RIMS2: variants seen among roughly 807,000 people sequenced by gnomAD.
The protein encoded by RIMS2 is regulating synaptic membrane exocytosis protein 2.
In RIMS2, 59 loss-of-function variants were observed where a neutral mutation model predicts 174.4. That is an observed-to-expected ratio of 0.34 (90% CI 0.27 to 0.42). The LOEUF is 0.42. Among genes scored for constraint, RIMS2 ranks in the 10% least tolerant of loss-of-function variants. RIMS2 has a pLI of 1.00. For missense variants in RIMS2, 1,620 were observed against 1,666.3 expected, an observed-to-expected ratio of 0.97 and a Z score of 0.48; for synonymous variants, 606 against 572.5, an observed-to-expected ratio of 1.06 and a Z score of -0.84.
intron 20 of RIMS2, among the ~76,000 whole-genome samples, chr8:104,246,624 T>C (rs1253523303): frequency 6.6e-6 from 1 of 152,148 alleles, no homozygotes. Context: ...GGAAGAGAGA[T>C]GATCAAGACG....
chr8:104,136,479 C>T (rs2098520896), intron 19 of RIMS2, among the ~76,000 whole-genome samples: 1 of 152,114 alleles, frequency 6.6e-6, no homozygotes, highest in Non-Finnish European at 1.5e-5. Flanking sequence ...GTATAACTTT[C>T]AATTTAGTGC....
At chr8:104,096,950 T>G (rs2097773642) in intron 19 of RIMS2, among the ~76,000 whole-genome samples, 1 of 152,202 alleles carries the variant, frequency 6.6e-6, no homozygotes. Flanking sequence ...CTTTTGAATT[T>G]GCTTTTACTT....
At chr8:103,522,715 A>G (rs1832300764) in intron 1 of RIMS2, among the ~76,000 whole-genome samples, 1 of 152,148 alleles carries the variant, frequency 6.6e-6, no homozygotes, top group Admixed American at 6.6e-5. Flanking sequence ...ATTTTTCCAA[A>G]TGGGAAATTA....
intron 20 of RIMS2, among the ~76,000 whole-genome samples, chr8:104,247,379 G>A (rs1326863465): frequency 1.3e-5 from 2 of 152,100 alleles, no homozygotes; most frequent in South Asian, 4.1e-4. Flanking sequence ...TCTTCTCACA[G>A]CATTTTCTCT....
chr8:103,718,308 A>G (rs1350766729), intron 2 of RIMS2, among the ~76,000 whole-genome samples: 1 of 152,214 alleles, frequency 6.6e-6, no homozygotes, highest in East Asian at 1.9e-4. Flanking sequence ...GCTGTGTGCT[A>G]TGGACAGTTG....
chr8:103,915,346 G>A, intron 6 of RIMS2, 149 bp from the exon 10 acceptor site: 3 of 467,688 alleles, frequency 6.4e-6, no homozygotes, highest in Non-Finnish European at 1.2e-5. Context: ...TAACCTAATA[G>A]AGACAATAAA....
intron 14 of RIMS2, among the ~76,000 whole-genome samples, chr8:103,955,170 T>A (rs2086743911): frequency 6.6e-6 from 1 of 151,900 alleles, no homozygotes; most frequent in Admixed American, 6.6e-5. Flanking sequence ...CTACCAGAGG[T>A]ACAAAGAGGA....
intron 1 of RIMS2, among the ~76,000 whole-genome samples, chr8:103,638,782 G>C (rs2135461474): frequency 6.6e-6 from 1 of 152,080 alleles, no homozygotes; most frequent in East Asian, 1.9e-4. Flanking sequence ...TGTACCAGAT[G>C]GGCTCACTGC....
At chr8:104,093,546 A>T (rs758658343) in intron 19 of RIMS2, 3 of 1,597,082 alleles carry the variant, frequency 1.9e-6, no homozygotes, top group Middle Eastern at 1.6e-4. Flanking sequence ...TGTAAGTGAT[A>T]TATCTGCGGT....
At chr8:103,641,240 T>C (rs1293128944) in intron 1 of RIMS2, among the ~76,000 whole-genome samples, 2 of 152,166 alleles carry the variant, frequency 1.3e-5, no homozygotes, top group African/African-American at 4.8e-5. Context: ...ATTTATTCAA[T>C]TTCTTATTGA....
At chr8:104,203,267 A>G (rs1471119100) in intron 19 of RIMS2, among the ~76,000 whole-genome samples, 6 of 152,138 alleles carry the variant, frequency 3.9e-5, no homozygotes, top group Non-Finnish European at 8.8e-5. Context: ...TGTGCAGAAA[A>G]GAATTAAATT....
chr8:103,572,219 G>A (rs932868176), intron 1 of RIMS2, among the ~76,000 whole-genome samples: 1 of 152,198 alleles, frequency 6.6e-6, no homozygotes, highest in African/African-American at 2.4e-5. Flanking sequence ...CGGACCCAGA[G>A]TGAGCAGCAG....
chr8:104,036,552 C>G (rs1313944009), intron 19 of RIMS2, among the ~76,000 whole-genome samples: 1 of 152,018 alleles, frequency 6.6e-6, no homozygotes, highest in African/African-American at 2.4e-5. Flanking sequence ...CAGGGAAAAA[C>G]AGCACAGCTC....
chr8:103,935,698 C>G (rs2081080897), intron 12 of RIMS2, among the ~76,000 whole-genome samples: 1 of 152,116 alleles, frequency 6.6e-6, no homozygotes, highest in Admixed American at 6.5e-5. Context: ...GTCTAATAAG[C>G]AAGAGTAATG....
At position 103,722,488 on chromosome 8, in the gene RIMS2, G is replaced by A. The variant is rs541023710; in HGVS notation, c.387+25192G>A. ...ATCAGGCGTTAGATTCTTATAAGCA[G>A]CACGCAACCTAGATCCCTCCCATGT... On this transcript the variant is annotated intron_variant, in intron 2 of 23. Transcript: ENST00000504942. Among the ~76,000 whole-genome samples the A allele has an allele frequency of 2.1e-3, 320 of 152,172 alleles. 1 individual carries two copies. The highest frequency in any genetic ancestry group is 3.5e-3 in the Non-Finnish European group (238 of 68,006).
chr8:104,142,305 T>A (rs1453078077), intron 19 of RIMS2, among the ~76,000 whole-genome samples: 1 of 151,814 alleles, frequency 6.6e-6, no homozygotes, highest in Non-Finnish European at 1.5e-5. Context: ...TTTTTGTTAG[T>A]TTTAGTAGAG....
chr8:103,797,811 T>A (rs760703215), intron 3 of RIMS2, among the ~76,000 whole-genome samples: 16 of 152,224 alleles, frequency 1.1e-4, no homozygotes, highest in Non-Finnish European at 2.4e-4. Flanking sequence ...TTTTTTTCCA[T>A]GTTCTCCTAT....
At chr8:103,880,729 G>A in intron 3 of RIMS2, 1 of 469,208 alleles carries the variant, frequency 2.1e-6, no homozygotes, top group Non-Finnish European at 3.9e-6. Flanking sequence ...ATTGTGATAT[G>A]TAAAAATTTA....
Position 103,689,789 on chromosome 8 carries a change from G to A in RIMS2, c.177-7297G>A, listed in dbSNP as rs185852258. On this transcript the variant is annotated intron_variant, in intron 1 of 23. Transcript: ENST00000504942. ...AAAATATTATAACACTGTGATTATG[G>A]TGTATAAACTACTGATATCTTGAAT... 1.6e-3 allele frequency among the ~76,000 whole-genome samples: 240 copies of A among 152,134 alleles called. 2 individuals are homozygous for A. The highest frequency in any genetic ancestry group is 5.3e-3 in the African/African-American group (218 of 41,518).
Sources: allele counts gnomAD v4.1 joint callset (sites outside exome capture counted in the v4.1 genomes callset), GRCh38; gene constraint gnomAD v4.1.1; transcripts MANE v1.5; gene names NCBI Gene and HGNC (gene_info 2026-07-23, HGNC 2026-07-21).